GPATCH2: variants seen among roughly 807,000 people sequenced by gnomAD.
The protein encoded by GPATCH2 is G-patch domain containing 2.
Under a neutral mutation model 58.0 loss-of-function variants are expected in GPATCH2, and 51 were observed. The observed-to-expected ratio is 0.88, with a 90% confidence interval of 0.70 to 1.11. The LOEUF is 1.11. GPATCH2 is among the 50% of genes most tolerant of loss of function. GPATCH2 has a pLI of 0.00. For synonymous variants in GPATCH2, 222 were observed against 218.5 expected (o/e 1.02, Z -0.14); for missense variants, 625 against 652.2 (o/e 0.96, Z 0.45).
intron 5 of GPATCH2, among the ~76,000 whole-genome samples, chr1:217,558,633 C>A (rs1439651172): frequency 6.6e-6 from 1 of 152,000 alleles, no homozygotes; most frequent in Non-Finnish European, 1.5e-5. Flanking sequence ...CATCAAAACT[C>A]AAACAAGTTG....
At chr1:217,440,546 A>G (rs1558393351) in intron 9 of GPATCH2, among the ~76,000 whole-genome samples, 4 of 152,186 alleles carry the variant, frequency 2.6e-5, no homozygotes, top group Admixed American at 1.3e-4. Context: ...AAGGGTATTC[A>G]AATAGGAAGA....
chr1:217,529,698 C>T (rs1284867396), intron 5 of GPATCH2, among the ~76,000 whole-genome samples: 1 of 152,170 alleles, frequency 6.6e-6, no homozygotes, highest in Non-Finnish European at 1.5e-5. Context: ...TCCCAGATTC[C>T]TGTTCCTCCA....
rs75485859 is a variant in GPATCH2, at chr1:217,552,716, G to A, written c.1099-37827C>T. On this transcript the variant is annotated intron_variant, in intron 5 of 9. Coordinates refer to ENST00000366935, the MANE Select transcript of GPATCH2 (RefSeq NM_018040.5). ...TGTGGCCACTACTGGGTGAAGCTAGGTCTACAGAGATGAAATACAATATGC... is the reference window on the plus strand; with the variant it reads ...TGTGGCCACTACTGGGTGAAGCTAGATCTACAGAGATGAAATACAATATGC... Among the ~76,000 whole-genome samples the A allele has an allele frequency of 3.9e-5, 6 of 152,068 alleles. 1 individual carries two copies. The South Asian group carries it at 8.3e-4, about 21-fold the overall frequency.
intron 5 of GPATCH2, among the ~76,000 whole-genome samples, chr1:217,544,062 C>T (rs756628459): frequency 2.0e-5 from 3 of 152,130 alleles, no homozygotes; most frequent in Non-Finnish European, 4.4e-5. Flanking sequence ...AAAAAGTTTA[C>T]TCCAGATATT....
intron 5 of GPATCH2, among the ~76,000 whole-genome samples, chr1:217,564,692 C>T (rs1199160375): frequency 6.6e-6 from 1 of 152,170 alleles, no homozygotes; most frequent in Non-Finnish European, 1.5e-5. Context: ...CGAAATTCCC[C>T]ATGGCTACAA....
chr1:217,586,678 AT>A (rs1291327815), intron 5 of GPATCH2, among the ~76,000 whole-genome samples: 2 of 152,226 alleles, frequency 1.3e-5, no homozygotes, highest in Middle Eastern at 3.2e-3. Flanking sequence ...GTTTATTATC[AT>A]TATCAACTAT....
intron 5 of GPATCH2, among the ~76,000 whole-genome samples, chr1:217,588,213 G>T (rs1667431673): frequency 1.3e-5 from 2 of 152,122 alleles, no homozygotes; most frequent in African/African-American, 4.8e-5. Flanking sequence ...ATGAAGAAAT[G>T]AGTTACAATT....
chr1:217,439,111 G>A (rs12136072), intron 9 of GPATCH2, among the ~76,000 whole-genome samples: 2,069 of 152,090 alleles, frequency 0.014, 17 homozygotes, highest in Middle Eastern at 0.054. Flanking sequence ...AATTGACCAC[G>A]TAATTGGAAG....
At chr1:217,609,896 A>G in intron 5 of GPATCH2, 1 of 1,089,510 alleles carries the variant, frequency 9.2e-7, no homozygotes, top group Non-Finnish European at 1.1e-6. Flanking sequence ...AAAAAAAACC[A>G]TAAAAGAGAA....
intron 8 of GPATCH2, among the ~76,000 whole-genome samples, chr1:217,488,862 T>A (rs1046275978): frequency 8.1e-5 from 9 of 110,686 alleles, no homozygotes; most frequent in African/African-American, 3.4e-4. Flanking sequence ...CTATTTAAAA[T>A]TTTTTTTTTT....
intron 8 of GPATCH2, among the ~76,000 whole-genome samples, chr1:217,451,955 T>C (rs1184892121): frequency 2.0e-5 from 3 of 152,220 alleles, no homozygotes; most frequent in African/African-American, 7.2e-5. Flanking sequence ...GTTTGCTCTG[T>C]TCAGGGAGTT....
intron 5 of GPATCH2, among the ~76,000 whole-genome samples, chr1:217,565,510 GTAT>G (rs1357571515): frequency 6.6e-6 from 1 of 152,082 alleles, no homozygotes; most frequent in Non-Finnish European, 1.5e-5. Context: ...ATGGACAACT[GTAT>G]TATTTTATAC....
chr1:217,549,659 A>G (rs1241702796), intron 5 of GPATCH2, among the ~76,000 whole-genome samples: 1 of 152,162 alleles, frequency 6.6e-6, no homozygotes, highest in Non-Finnish European at 1.5e-5. Context: ...CTGATAACTC[A>G]TATTCCTTGG....
intron 5 of GPATCH2, among the ~76,000 whole-genome samples, chr1:217,526,246 T>C (rs1212345892): frequency 6.6e-6 from 1 of 152,204 alleles, no homozygotes; most frequent in South Asian, 2.1e-4. Flanking sequence ...TAATATGGTT[T>C]ATATTTAGCA....
intron 5 of GPATCH2, among the ~76,000 whole-genome samples, chr1:217,579,021 C>A (rs1006669715): frequency 6.6e-6 from 1 of 152,178 alleles, no homozygotes; most frequent in Non-Finnish European, 1.5e-5. Flanking sequence ...CAGATGTACA[C>A]TTTGATACTG....
chr1:217,580,427 A>T (rs1277337819), intron 5 of GPATCH2, among the ~76,000 whole-genome samples: 2 of 152,162 alleles, frequency 1.3e-5, no homozygotes. Flanking sequence ...TAATAGGTAA[A>T]CAATTTTACT....
At chr1:217,466,483 C>T (rs965261446) in intron 8 of GPATCH2, among the ~76,000 whole-genome samples, 6 of 152,068 alleles carry the variant, frequency 3.9e-5, no homozygotes, top group Non-Finnish European at 8.8e-5. Context: ...CCTCTGCCTC[C>T]CTAAGTGCCG....
At chr1:217,455,335 C>G (rs191455906) in intron 8 of GPATCH2, among the ~76,000 whole-genome samples, 3 of 152,228 alleles carry the variant, frequency 2.0e-5, no homozygotes, top group African/African-American at 4.8e-5. Context: ...GCCTGCCTAC[C>G]CTTCTCCAAG....
intron 8 of GPATCH2, among the ~76,000 whole-genome samples, chr1:217,466,951 T>C (rs1332293222): frequency 6.6e-6 from 1 of 152,178 alleles, no homozygotes. Context: ...GGCAGGCGGA[T>C]TGCCTGAGGT....
Sources: allele counts gnomAD v4.1 joint callset (sites outside exome capture counted in the v4.1 genomes callset), GRCh38; gene constraint gnomAD v4.1.1; transcripts MANE v1.5; gene names NCBI Gene and HGNC (gene_info 2026-07-23, HGNC 2026-07-21).